CTIF: variants seen among roughly 807,000 people sequenced by gnomAD.
The protein encoded by CTIF is CBP80/20-dependent translation initiation factor.
A neutral mutation model predicts 66.0 loss-of-function variants in CTIF; 21 were observed. The observed-to-expected ratio is 0.32, with a 90% confidence interval of 0.23 to 0.46. CTIF has a LOEUF of 0.46. CTIF is among the 20% of genes least tolerant of loss of function. The pLI, the probability that CTIF is intolerant of heterozygous loss-of-function variation, is 1.00. For missense variants in CTIF, 739 were observed against 812.7 expected (o/e 0.91, Z 1.10); for synonymous variants, 345 against 326.4 (o/e 1.06, Z -0.62).
At chr18:48,832,645 C>T (rs1284025477) in intron 10 of CTIF, among the ~76,000 whole-genome samples, 2 of 152,176 alleles carry the variant, frequency 1.3e-5, no homozygotes, top group African/African-American at 4.8e-5. Context: ...CTCATTCTTG[C>T]ATTGCCCCTT....
intron 9 of CTIF, among the ~76,000 whole-genome samples, chr18:48,786,763 A>G (rs1911746980): frequency 6.6e-6 from 1 of 152,110 alleles, no homozygotes; most frequent in African/African-American, 2.4e-5. Flanking sequence ...CTTCGAAGGG[A>G]AAGGAGGAAC....
intron 10 of CTIF, among the ~76,000 whole-genome samples, chr18:48,821,323 C>T (rs964758112): frequency 7.2e-5 from 11 of 152,234 alleles, no homozygotes; most frequent in African/African-American, 1.9e-4. Context: ...TCGAGTGCCT[C>T]GTGTGTTCTT....
intron 6 of CTIF, among the ~76,000 whole-genome samples, chr18:48,702,946 A>G (rs2092103168): frequency 6.6e-6 from 1 of 151,444 alleles, no homozygotes; most frequent in Non-Finnish European, 1.5e-5. Flanking sequence ...GACCCCCAGC[A>G]GGAGGAAGCC....
intron 10 of CTIF, among the ~76,000 whole-genome samples, chr18:48,854,685 C>T (rs577713373): frequency 2.6e-4 from 40 of 152,144 alleles, no homozygotes; most frequent in African/African-American, 9.6e-4. Context: ...CTTTGGGAGG[C>T]CAAGGCAGGA....
At chr18:48,704,513 A>G (rs1437594748) in intron 6 of CTIF, among the ~76,000 whole-genome samples, 3 of 152,190 alleles carry the variant, frequency 2.0e-5, no homozygotes, top group Admixed American at 6.5e-5. Flanking sequence ...TGGGTGACTT[A>G]GAACGGAAAC....
At chr18:48,841,114 G>A (rs550503589) in intron 10 of CTIF, among the ~76,000 whole-genome samples, 1 of 152,300 alleles carries the variant, frequency 6.6e-6, no homozygotes, top group South Asian at 2.1e-4. Flanking sequence ...TGTAAAGTCT[G>A]AGGTTGGTAA....
chr18:48,841,413 T>A (rs1208760137), intron 10 of CTIF, among the ~76,000 whole-genome samples: 1 of 152,176 alleles, frequency 6.6e-6, no homozygotes, highest in Non-Finnish European at 1.5e-5. Context: ...AGCGCCCTCG[T>A]GGCCCCGGCT....
chr18:48,728,887 TTG>T, intron 7 of CTIF, among the ~76,000 whole-genome samples: 1 of 152,304 alleles, frequency 6.6e-6, no homozygotes. Context: ...AAACAAGAGT[TTG>T]AGTGTCAGGA....
chr18:48,625,447 T>C (rs974131261), intron 2 of CTIF, among the ~76,000 whole-genome samples: 3 of 152,234 alleles, frequency 2.0e-5, no homozygotes, highest in Admixed American at 6.5e-5. Context: ...TCATGGTACA[T>C]AAGAATTCAA....
At chr18:48,801,734 A>G (rs1484802549) in intron 9 of CTIF, among the ~76,000 whole-genome samples, 1 of 152,224 alleles carries the variant, frequency 6.6e-6, no homozygotes, top group Admixed American at 6.5e-5. Flanking sequence ...GTAGGGTTTC[A>G]AAAGTCATTT....
chr18:48,755,155 T>C (rs1394762597), intron 7 of CTIF, among the ~76,000 whole-genome samples: 1 of 152,230 alleles, frequency 6.6e-6, no homozygotes, highest in Non-Finnish European at 1.5e-5. Context: ...ATGACGAAAG[T>C]TGTGAGAATC....
intron 7 of CTIF, among the ~76,000 whole-genome samples, chr18:48,743,755 C>A (rs1173884210): frequency 6.6e-6 from 1 of 152,116 alleles, no homozygotes; most frequent in African/African-American, 2.4e-5. Flanking sequence ...AAAATAACTT[C>A]TTTATCTGGT....
At chr18:48,773,608 A>C (rs1005135669) in intron 9 of CTIF, among the ~76,000 whole-genome samples, 6 of 152,210 alleles carry the variant, frequency 3.9e-5, no homozygotes, top group Non-Finnish European at 8.8e-5. Flanking sequence ...GGCATCTTCG[A>C]ACCAGAGCCC....
chr18:48,605,474 C>G (rs898944838), intron 1 of CTIF, among the ~76,000 whole-genome samples: 31 of 152,242 alleles, frequency 2.0e-4, no homozygotes, highest in Admixed American at 2.0e-3. Flanking sequence ...GTTAACCACT[C>G]AGCCTGCTCC....
chr18:48,732,187 C>G (rs766026621), intron 7 of CTIF, among the ~76,000 whole-genome samples: 5 of 152,216 alleles, frequency 3.3e-5, no homozygotes, highest in Non-Finnish European at 5.9e-5. Flanking sequence ...AAGCAGGACT[C>G]CCATTCCCTG....
chr18:48,633,324 A>G (rs2090755473), intron 2 of CTIF, among the ~76,000 whole-genome samples: 1 of 152,188 alleles, frequency 6.6e-6, no homozygotes, highest in East Asian at 1.9e-4. Flanking sequence ...TATAAAGCAG[A>G]GGGATTATAG....
At chr18:48,584,991 C>T (rs1165097374) in intron 1 of CTIF, among the ~76,000 whole-genome samples, 1 of 152,228 alleles carries the variant, frequency 6.6e-6, no homozygotes, top group Non-Finnish European at 1.5e-5. Context: ...ATCAGTTGTT[C>T]TGAAAGGACA....
chr18:48,820,714 C>A (rs1006570324), intron 10 of CTIF, among the ~76,000 whole-genome samples: 1 of 152,194 alleles, frequency 6.6e-6, no homozygotes, highest in Non-Finnish European at 1.5e-5. Context: ...TCACTCACTC[C>A]ATCCCCTGCG....
intron 1 of CTIF, among the ~76,000 whole-genome samples, chr18:48,590,531 G>A (rs145914291): frequency 5.9e-5 from 9 of 152,336 alleles, no homozygotes; most frequent in East Asian, 5.8e-4. Flanking sequence ...GGCCCAGGGC[G>A]GTGACTTGCC....
Sources: allele counts gnomAD v4.1 joint callset (sites outside exome capture counted in the v4.1 genomes callset), GRCh38; gene constraint gnomAD v4.1.1; transcripts MANE v1.5; gene names NCBI Gene and HGNC (gene_info 2026-07-23, HGNC 2026-07-21).